Variants in LIFR observed in about 807,000 individuals in gnomAD.
The protein encoded by LIFR is leukemia inhibitory factor receptor.
In LIFR, 84 loss-of-function variants were observed where a neutral mutation model predicts 122.2. That is an observed-to-expected ratio of 0.69 (90% CI 0.58 to 0.82). The LOEUF is 0.82. Ranked by LOEUF, LIFR falls within the 40% of genes least tolerant of loss-of-function variation. The pLI, the probability that LIFR is intolerant of heterozygous loss-of-function variation, is 0.00. For synonymous variants in LIFR, 422 were observed against 434.7 expected (o/e 0.97, Z 0.36); for missense variants, 1,294 against 1,311.6 (o/e 0.99, Z 0.21).
At chr5:38,602,348 T>C (rs1750237247) in intron 2 of LIFR, among the ~76,000 whole-genome samples, 1 of 152,254 alleles carries the variant, frequency 6.6e-6, no homozygotes. Context: ...CAAATAGTGT[T>C]AGTCTCCATA....
intron 7 of LIFR, among the ~76,000 whole-genome samples, chr5:38,507,380 A>G (rs1180527439): frequency 1.3e-5 from 2 of 151,944 alleles, no homozygotes; most frequent in Non-Finnish European, 2.9e-5. Context: ...CCTGGCCAAC[A>G]TGGTGAAACC....
intron 1 of LIFR, among the ~76,000 whole-genome samples, chr5:38,540,830 T>C (rs1369875046): frequency 1.3e-5 from 2 of 151,976 alleles, no homozygotes; most frequent in Non-Finnish European, 2.9e-5. Flanking sequence ...AAGCCAAATA[T>C]AGTTCTTAGG....
At chr5:38,576,510 C>T (rs1317099896) in intron 1 of LIFR, among the ~76,000 whole-genome samples, 2 of 152,174 alleles carry the variant, frequency 1.3e-5, no homozygotes, top group African/African-American at 2.4e-5. Context: ...GCCTAGCTTT[C>T]CATGACAGAC....
In LIFR at chr5:38,602,917, A is replaced by G. The variant is rs183415344; in HGVS notation, n.305+3288T>C. Among the ~76,000 whole-genome samples, 729 of 152,314 alleles carry G rather than the reference A, an allele frequency of 4.8e-3. 13 individuals carry two copies. Among genetic ancestry groups the G allele is most frequent in the Admixed American group, 0.041 (629 of 15,298 alleles). On this transcript the variant is annotated intron_variant and non_coding_transcript_variant, in intron 2 of 3. Coordinates refer to the LIFR transcript ENST00000507786. ...AACAACTTCCTGGGAATACGCATTAAAAGACAAAATGGAGTATGACCTTCC... is the reference window on the plus strand; with the variant it reads ...AACAACTTCCTGGGAATACGCATTAGAAGACAAAATGGAGTATGACCTTCC...
At chr5:38,523,606 GA>G in intron 4 of LIFR, 24 bp from the exon 5 acceptor site, 1 of 1,581,022 alleles carries the variant, frequency 6.3e-7, no homozygotes, top group Non-Finnish European at 8.7e-7. Flanking sequence ...AAACAAAAGA[GA>G]AAACTTAGTA....
At chr5:38,598,507 AAAGGCACACTTTC>A (rs1750164526), upstream of LIFR, among the ~76,000 whole-genome samples, 1 of 151,804 alleles carries the variant, frequency 6.6e-6, no homozygotes, top group African/African-American at 2.4e-5. Flanking sequence ...CGGCCTCCCA[AAAGGCACACTTTC>A]AATCTGGCTC....
At position 38,476,964 on chromosome 5, in the gene LIFR, A is replaced by G. The variant is rs1263222051; in HGVS notation, c.*4631T>C. ...TAGCTAAAAATAATAGAATCCTGTC[A>G]TAACCCAATATCATAATTACAAGGA... On this transcript the variant is annotated 3_prime_UTR_variant, in exon 20 of 20. Coordinates refer to ENST00000453190, the MANE Select transcript of LIFR (RefSeq NM_001127671.2). The G allele has an allele frequency of 4.5e-6, 1 of 221,070 alleles. No individual in the cohort carries two copies. The highest frequency in any genetic ancestry group is 9.0e-6 in the Non-Finnish European group (1 of 110,506). The allele number at this position is 221,070 out of a possible 1,614,324, so 13.7% of individuals were successfully genotyped here. A position where few individuals can be genotyped will look rare whatever the true frequency, so the allele number is the denominator to read the frequency against.
At chr5:38,541,908 A>C (rs1344445126) in intron 1 of LIFR, among the ~76,000 whole-genome samples, 1 of 152,226 alleles carries the variant, frequency 6.6e-6, no homozygotes, top group Non-Finnish European at 1.5e-5. Flanking sequence ...AACCACAAAA[A>C]AAGGTTAATA....
intron 1 of LIFR, among the ~76,000 whole-genome samples, chr5:38,582,916 C>T (rs576902778): frequency 6.2e-4 from 95 of 152,352 alleles, no homozygotes; most frequent in Non-Finnish European, 1.1e-3. Flanking sequence ...ACCTCTCTGA[C>T]GCCCTATCTT....
chr5:38,594,474 A>G (rs977610385), intron 1 of LIFR, among the ~76,000 whole-genome samples: 7 of 152,176 alleles, frequency 4.6e-5, no homozygotes, highest in Admixed American at 3.9e-4. Flanking sequence ...ATCTATTAAT[A>G]TTGATTCATC....
chr5:38,499,445 A>C, intron 12 of LIFR, 68 bp downstream of exon 12: 1 of 1,074,076 alleles, frequency 9.3e-7, no homozygotes, highest in Non-Finnish European at 1.5e-6. Flanking sequence ...TGATAACCCA[A>C]GTACCATGCG....
intron 16 of LIFR, among the ~76,000 whole-genome samples, chr5:38,486,863 A>G (rs929273193): frequency 6.6e-6 from 1 of 152,198 alleles, no homozygotes; most frequent in Non-Finnish European, 1.5e-5. Context: ...TGATGAATTC[A>G]GTGTTTGGAT....
Position 38,528,714 on chromosome 5 carries a change from A to C in LIFR, c.257+12T>G, listed in dbSNP as rs374353230. ...ACCTAGCTCATTGTGAATTAAAGTA[A>C]ATTAAAATTACCTGTTTTCAATGCA... On this transcript the variant is annotated intron_variant, in intron 3 of 19. Transcript: ENST00000453190. 6.7e-7 allele frequency: 1 copy of C among 1,488,238 alleles called. No individual in the cohort carries two copies. Among genetic ancestry groups the C allele is most frequent in the Non-Finnish European group, 9.2e-7 (1 of 1,082,692 alleles). The allele number at this position is 1,488,238 out of a possible 1,614,324, so 92.2% of individuals were successfully genotyped here.
chr5:38,533,169 T>A (rs866210893), intron 1 of LIFR, among the ~76,000 whole-genome samples: 7 of 152,220 alleles, frequency 4.6e-5, no homozygotes, highest in South Asian at 2.1e-4. Context: ...TTACACATTC[T>A]AAAGGCCAGA....
chr5:38,495,773 G>A (rs1379948930), intron 13 of LIFR, among the ~76,000 whole-genome samples: 1 of 152,162 alleles, frequency 6.6e-6, no homozygotes, highest in Non-Finnish European at 1.5e-5. Context: ...AGTTGTCAAG[G>A]CAGAAGCTGG....
At chr5:38,503,573 T>A (rs1225592404) in intron 10 of LIFR, among the ~76,000 whole-genome samples, 1 of 152,200 alleles carries the variant, frequency 6.6e-6, no homozygotes, top group East Asian at 1.9e-4. Context: ...TAAAATGTAT[T>A]AAAAAGTCAT....
intron 1 of LIFR, among the ~76,000 whole-genome samples, chr5:38,577,617 C>G (rs1183058719): frequency 6.6e-6 from 1 of 152,212 alleles, no homozygotes; most frequent in Admixed American, 6.5e-5. Context: ...CCCTGTCAAC[C>G]AAGAACTTCA....
At chr5:38,512,241 T>C (rs1745839657) in intron 5 of LIFR, among the ~76,000 whole-genome samples, 1 of 152,152 alleles carries the variant, frequency 6.6e-6, no homozygotes, top group Non-Finnish European at 1.5e-5. Flanking sequence ...AGGTTGAGTA[T>C]CCCTTGGGAC....
intron 1 of LIFR, among the ~76,000 whole-genome samples, chr5:38,570,423 A>G (rs1749172239): frequency 6.6e-6 from 1 of 152,150 alleles, no homozygotes; most frequent in Admixed American, 6.5e-5. Context: ...AATATAATAG[A>G]GTTCTTGTTT....
Sources: allele counts gnomAD v4.1 joint callset (sites outside exome capture counted in the v4.1 genomes callset), GRCh38; gene constraint gnomAD v4.1.1; transcripts MANE v1.5; gene names NCBI Gene and HGNC (gene_info 2026-07-23, HGNC 2026-07-21).